The following NRXN3 variants were observed in gnomAD, a reference collection of about 807,000 sequenced individuals.
NRXN3 encodes the protein neurexin 3.
In NRXN3, 32 loss-of-function variants were observed where a neutral mutation model predicts 137.6. The ratio of observed to expected loss-of-function variants is 0.23; its 90% CI spans 0.18 to 0.31. The LOEUF (loss-of-function observed/expected upper bound fraction) is 0.31. Among genes scored for constraint, NRXN3 ranks in the 10% least tolerant of loss-of-function variants. The pLI is 1.00. For synonymous variants in NRXN3, 798 were observed against 784.5 expected, an observed-to-expected ratio of 1.02 and a Z score of -0.29; for missense variants, 1,574 against 2,062.5, an observed-to-expected ratio of 0.76 and a Z score of 4.59.
chr14:78,556,709 A>C (rs1180386609), intron 4 of NRXN3, among the ~76,000 whole-genome samples: 1 of 152,120 alleles, frequency 6.6e-6, no homozygotes, highest in African/African-American at 2.4e-5. Flanking sequence ...GTTGCACTAG[A>C]AAAAGGAAAG....
chr14:79,023,055 G>A (rs1173247401), intron 15 of NRXN3, among the ~76,000 whole-genome samples: 4 of 151,540 alleles, frequency 2.6e-5, no homozygotes, highest in South Asian at 2.1e-4. Flanking sequence ...TTGATGGAGG[G>A]CAGCGGGTGG....
chr14:78,375,676 G>A (rs553797309), intron 4 of NRXN3, among the ~76,000 whole-genome samples: 4 of 152,328 alleles, frequency 2.6e-5, no homozygotes, highest in African/African-American at 9.6e-5. Context: ...TACAATGAAT[G>A]TATAGAAAGT....
chr14:79,576,554 A>G (rs2097666364), intron 16 of NRXN3, among the ~76,000 whole-genome samples: 1 of 152,192 alleles, frequency 6.6e-6, no homozygotes, highest in African/African-American at 2.4e-5. Flanking sequence ...CCAGCCCAGG[A>G]AAGACAAATG....
chr14:79,699,705 C>T (rs745835298), intron 19 of NRXN3, among the ~76,000 whole-genome samples: 6 of 152,010 alleles, frequency 3.9e-5, no homozygotes, highest in Non-Finnish European at 8.8e-5. Flanking sequence ...GTTATAGAAC[C>T]TATGGCCATT....
chr14:79,089,299 C>T (rs1269338970), intron 15 of NRXN3, among the ~76,000 whole-genome samples: 9 of 152,044 alleles, frequency 5.9e-5, no homozygotes, highest in African/African-American at 2.2e-4. Flanking sequence ...GAAAAAACTG[C>T]TTTGAGCTCC....
At chr14:79,800,241 A>G (rs1305923423) in intron 19 of NRXN3, among the ~76,000 whole-genome samples, 1 of 152,228 alleles carries the variant, frequency 6.6e-6, no homozygotes, top group East Asian at 1.9e-4. Context: ...TCCCAACGTA[A>G]CTATGAATAG....
At chr14:79,516,974 A>G (rs899702278) in intron 16 of NRXN3, among the ~76,000 whole-genome samples, 2 of 152,116 alleles carry the variant, frequency 1.3e-5, no homozygotes, top group African/African-American at 4.8e-5. Flanking sequence ...CATGTTTGAG[A>G]GTATGTGTTG....
At chr14:79,711,859 TG>T (rs1306316773) in intron 19 of NRXN3, among the ~76,000 whole-genome samples, 1 of 152,126 alleles carries the variant, frequency 6.6e-6, no homozygotes, top group African/African-American at 2.4e-5. Flanking sequence ...ATGATGGAGC[TG>T]GGGGGATCTA....
intron 7 of NRXN3, 199 bp downstream of exon 7, chr14:78,709,854 T>C (rs1013942872): frequency 1.4e-5 from 8 of 583,090 alleles, no homozygotes; most frequent in Non-Finnish European, 1.8e-5. Context: ...CTTATCTCTC[T>C]TGTCACTCAC....
In NRXN3 at chr14:79,697,908, C is replaced by T; in HGVS notation, c.3985C>T (p.Arg1329Cys). Residue 1329 changes from arginine to cysteine, a missense_variant, in exon 19 of 21, where the codon CGT becomes TGT. This residue lies in a region of NRXN3 where 320 missense variants were observed against 387.1 expected (regional missense o/e 0.83). Transcript: ENST00000335750. ...TTTTMATTTTRKNRSTASIQP... is the reference protein window; with the variant it reads ...TTTTMATTTTCKNRSTASIQP... Reference sequence around the variant, plus strand: ...TACTACAATGGCGACTACCACAACCCGTAAGAATCGCTCTACAGCCAGCAT... The same window carrying T: ...TACTACAATGGCGACTACCACAACCTGTAAGAATCGCTCTACAGCCAGCAT... 1.9e-6 allele frequency: 3 copies of T among 1,612,300 alleles called. No homozygotes were observed. Among genetic ancestry groups the T allele is most frequent in the Non-Finnish European group, 2.5e-6 (3 of 1,178,668 alleles).
chr14:79,852,699 C>G (rs2099394343), intron 20 of NRXN3, among the ~76,000 whole-genome samples: 1 of 151,886 alleles, frequency 6.6e-6, no homozygotes, highest in East Asian at 1.9e-4. Flanking sequence ...ATTAACCAGC[C>G]AAAAAAGCAA....
chr14:78,407,750 T>C (rs1258420242), intron 4 of NRXN3, among the ~76,000 whole-genome samples: 1 of 152,218 alleles, frequency 6.6e-6, no homozygotes, highest in African/African-American at 2.4e-5. Flanking sequence ...TCAGCCTCTC[T>C]GTGCTGCCTT....
chr14:78,679,894 T>C (rs2098055468), intron 6 of NRXN3, among the ~76,000 whole-genome samples: 3 of 152,164 alleles, frequency 2.0e-5, no homozygotes, highest in African/African-American at 7.2e-5. Context: ...TTTCATCAGC[T>C]TTTGAGTCAA....
At chr14:79,259,470 C>T (rs543230819) in intron 15 of NRXN3, among the ~76,000 whole-genome samples, 87 of 151,296 alleles carry the variant, frequency 5.8e-4, no homozygotes, top group African/African-American at 1.7e-3. Context: ...CTGCAGGGAA[C>T]GTCAACGTGG....
At chr14:79,241,116 A>G (rs920256100) in intron 15 of NRXN3, among the ~76,000 whole-genome samples, 5 of 152,178 alleles carry the variant, frequency 3.3e-5, no homozygotes, top group Non-Finnish European at 7.3e-5. Context: ...GCTATTTACC[A>G]GATCAGTATT....
At chr14:79,445,613 A>C (rs1454168136) in intron 15 of NRXN3, among the ~76,000 whole-genome samples, 2 of 152,176 alleles carry the variant, frequency 1.3e-5, no homozygotes, top group African/African-American at 4.8e-5. Context: ...GCTTTTCAGG[A>C]GATCACCCTT....
intron 8 of NRXN3, among the ~76,000 whole-genome samples, chr14:78,720,126 C>A (rs1344525584): frequency 6.6e-6 from 1 of 151,750 alleles, no homozygotes; most frequent in Non-Finnish European, 1.5e-5. Context: ...TGTTTTAGGT[C>A]TCTTCTTGGC....
intron 16 of NRXN3, among the ~76,000 whole-genome samples, chr14:79,503,149 TTTTTCCCTCTGTGTTTTA>T (rs1328093998): frequency 2.0e-5 from 3 of 152,324 alleles, no homozygotes; most frequent in East Asian, 3.9e-4. Context: ...CTATCTCTGA[TTTTTCCCTCTGTGTTTTA>T]TTATATCTAG....
chr14:79,082,391 T>TTGTGTGTGTG (rs57728169), intron 15 of NRXN3, among the ~76,000 whole-genome samples: 13,266 of 146,864 alleles, frequency 0.09, 737 homozygotes, highest in African/African-American at 0.15. Context: ...TGCAAACTAA[T>TTGTGTGTGTG]TGTGTGTGTG....
Sources: gnomAD v4.1 joint callset for allele counts (sites outside exome capture counted in the v4.1 genomes callset) on GRCh38, gnomAD v4.1.1 for gene constraint, gnomAD v4.1.1 regional missense constraint, MANE v1.5 for transcripts, NCBI Gene and HGNC (gene_info 2026-07-23, HGNC 2026-07-21) for gene names.